Variants in RHOT1 observed in about 807,000 individuals in gnomAD.
The protein encoded by RHOT1 is ras homolog family member T1.
Under a neutral mutation model 95.3 loss-of-function variants are expected in RHOT1, and 27 were observed. The ratio of observed to expected loss-of-function variants is 0.28; its 90% CI spans 0.21 to 0.39. The LOEUF (loss-of-function observed/expected upper bound fraction) is 0.39, where lower values mean the gene tolerates loss of function less well. Among genes scored for constraint, RHOT1 ranks in the 10% least tolerant of loss-of-function variants. RHOT1 has a pLI of 1.00. For missense variants in RHOT1, 578 were observed against 786.7 expected (o/e 0.73, Z 3.17); for synonymous variants, 227 against 263.5 (o/e 0.86, Z 1.34).
At position 32,199,943 on chromosome 17, in the gene RHOT1, C is replaced by CTTT. The variant is rs71362808; in HGVS notation, c.1100+408_1100+410dup. ...TGTTATTGTTTGTTTTTAATGAACT[C>CTTT]TTTTTTTTTTTTTTTTTGAGATGGA... On this transcript the variant is annotated intron_variant, in intron 13 of 19. Transcript: ENST00000545287. Among the ~76,000 whole-genome samples the CTTT allele has an allele frequency of 7.5e-4, 97 of 128,704 alleles. 2 individuals carry two copies. The highest frequency in any genetic ancestry group is 2.7e-3 in the African/African-American group (91 of 34,234). 84.4% of individuals were successfully genotyped at this position (128,704 alleles called of 152,430 possible). A position where few individuals can be genotyped will look rare whatever the true frequency, so the allele number is the denominator to read the frequency against.
In RHOT1 at chr17:32,192,483, G is replaced by A. The variant is rs116070200; in HGVS notation, c.639+184G>A. On this transcript the variant is annotated intron_variant, in intron 9 of 19. Coordinates refer to ENST00000545287, the MANE Select transcript of RHOT1 (RefSeq NM_001033566.3). The stretch of plus-strand genomic sequence containing the variant: ...AAACTCTCTTATGCTCAGGAATTGA[G>A]GGGATTCTGATAGCTTCATTTTATG... 4.6e-5 allele frequency among the ~76,000 whole-genome samples: 7 copies of A among 151,924 alleles called. No homozygotes were observed. The East Asian group carries it at 9.7e-4, about 21-fold the overall frequency.
At chr17:32,209,397 A>G (rs1361954807) in intron 18 of RHOT1, 1 of 1,612,274 alleles carries the variant, frequency 6.2e-7, no homozygotes. Context: ...GGCCACACTG[A>G]TAGAATAGAG....
intron 19 of RHOT1, among the ~76,000 whole-genome samples, chr17:32,216,332 A>G (rs569873506): frequency 6.6e-6 from 1 of 152,168 alleles, no homozygotes; most frequent in East Asian, 1.9e-4. Flanking sequence ...TTAATCAAAT[A>G]TTGCTTATTT....
At chr17:32,182,014 A>G (rs1472922191) in intron 6 of RHOT1, among the ~76,000 whole-genome samples, 1 of 152,184 alleles carries the variant, frequency 6.6e-6, no homozygotes, top group African/African-American at 2.4e-5. Flanking sequence ...TCTACATGGC[A>G]GATTTCATCT....
chr17:32,182,746 G>A lies in RHOT1; in HGVS notation c.330-11G>A, dbSNP rs1039916388. The stretch of plus-strand genomic sequence containing the variant: ...TGCCTTCCTTATTACAATGTGCCCT[G>A]TTTATTTTAGGCTGCCTTTAATATT... On this transcript the variant is annotated splice_polypyrimidine_tract_variant and intron_variant, in intron 6 of 19. Transcript: ENST00000545287. 2.0e-6 allele frequency: 3 copies of A among 1,501,750 alleles called. No homozygotes were observed. Among genetic ancestry groups the A allele is most frequent in the African/African-American group, 1.4e-5 (1 of 71,818 alleles). 93.0% of individuals were successfully genotyped at this position (1,501,750 alleles called of 1,614,324 possible).
intron 1 of RHOT1, among the ~76,000 whole-genome samples, chr17:32,147,169 C>T (rs113532608): frequency 8.8e-4 from 134 of 151,934 alleles, no homozygotes; most frequent in Non-Finnish European, 1.5e-3. Flanking sequence ...CTCAGCCTCC[C>T]AAGTAACTGG....
At chr17:32,164,986 C>T (rs2033913390) in intron 1 of RHOT1, among the ~76,000 whole-genome samples, 1 of 151,770 alleles carries the variant, frequency 6.6e-6, no homozygotes, top group South Asian at 2.1e-4. Context: ...TGGTGAAACT[C>T]CCTCTCTACT....
intron 19 of RHOT1, among the ~76,000 whole-genome samples, chr17:32,215,571 A>C (rs2038420279): frequency 6.6e-6 from 1 of 151,752 alleles, no homozygotes; most frequent in Non-Finnish European, 1.5e-5. Flanking sequence ...CAGTGATGTT[A>C]GTCCTTCATG....
At chr17:32,185,067 A>G (rs983830562) in intron 8 of RHOT1, among the ~76,000 whole-genome samples, 1 of 151,984 alleles carries the variant, frequency 6.6e-6, no homozygotes, top group African/African-American at 2.4e-5. Flanking sequence ...CTATAGGCAC[A>G]TACCACCATG....
chr17:32,189,203 G>T (rs1179701213), intron 8 of RHOT1, among the ~76,000 whole-genome samples: 1 of 152,148 alleles, frequency 6.6e-6, no homozygotes, highest in Non-Finnish European at 1.5e-5. Flanking sequence ...GGAGGCTGAG[G>T]CAGGAGAATG....
intron 19 of RHOT1, among the ~76,000 whole-genome samples, chr17:32,222,533 G>GGT (rs145762607): frequency 2.6e-5 from 4 of 151,370 alleles, no homozygotes; most frequent in Non-Finnish European, 4.4e-5. Flanking sequence ...GTCTGGAGTG[G>GGT]GTGTGTGTGT....
intron 1 of RHOT1, among the ~76,000 whole-genome samples, chr17:32,163,567 C>T (rs903288081): frequency 3.3e-5 from 5 of 151,284 alleles, no homozygotes; most frequent in Non-Finnish European, 1.5e-5. Context: ...CCCGTCTCTA[C>T]TAAAAATACA....
chr17:32,209,523 C>A, intron 18 of RHOT1: 1 of 844,082 alleles, frequency 1.2e-6, no homozygotes, highest in Non-Finnish European at 1.9e-6. Flanking sequence ...TCCTTTCTTG[C>A]CATAATTAAC....
chr17:32,185,155 GGCTGGA>G (rs2035939561), intron 8 of RHOT1, among the ~76,000 whole-genome samples: 1 of 152,020 alleles, frequency 6.6e-6, no homozygotes, highest in East Asian at 1.9e-4. Context: ...TTGTTGCCCA[GGCTGGA>G]GTGCAATGGT....
intron 11 of RHOT1, among the ~76,000 whole-genome samples, chr17:32,197,355 A>G (rs2036966803): frequency 6.7e-6 from 1 of 150,026 alleles, no homozygotes; most frequent in Admixed American, 6.6e-5. Context: ...CAGCTTCCCG[A>G]GTAGCTGGGA....
At chr17:32,168,020 A>AC (rs1491441750) in intron 1 of RHOT1, among the ~76,000 whole-genome samples, 1 of 151,106 alleles carries the variant, frequency 6.6e-6, no homozygotes, top group African/African-American at 2.4e-5. Context: ...GGTGACAGAG[A>AC]CCCCCATCTC....
At chr17:32,207,484 G>T (rs755775761) in intron 17 of RHOT1, 1 of 155,724 alleles carries the variant, frequency 6.4e-6, no homozygotes, top group African/African-American at 2.4e-5. Context: ...ATGTACAAAG[G>T]TGTTTATTCT....
intron 1 of RHOT1, among the ~76,000 whole-genome samples, chr17:32,167,360 T>G (rs975915014): frequency 6.6e-6 from 1 of 151,226 alleles, no homozygotes; most frequent in African/African-American, 2.4e-5. Context: ...GGAGTCTCGC[T>G]CTGTCGCCCA....
chr17:32,224,649 G>T lies in RHOT1; in HGVS notation c.1896G>T (p.Thr632=). Residue 632 remains threonine, a synonymous_variant, in exon 20 of 20, where the codon ACG becomes ACT. Transcript: ENST00000545287. ...CACAAGCTGACCTCAAGAGCTCCAC[G>T]TTTTGGCTTCGAGCAAGTTTTGGTG... ...HVTQADLKSS[T]FWLRASFGAT... is the part of the protein sequence containing the mutation. 1 of 1,613,432 alleles carries T rather than the reference G, an allele frequency of 6.2e-7. No homozygotes were observed. The highest frequency in any genetic ancestry group is 8.5e-7 in the Non-Finnish European group (1 of 1,179,630).
Sources: gnomAD v4.1 joint callset for allele counts (sites outside exome capture counted in the v4.1 genomes callset) on GRCh38, gnomAD v4.1.1 for gene constraint, MANE v1.5 for transcripts, NCBI Gene and HGNC (gene_info 2026-07-23, HGNC 2026-07-21) for gene names.